TLN2: variants seen among roughly 807,000 people sequenced by gnomAD.
TLN2 encodes the protein talin 2.
In TLN2, 118 loss-of-function variants were observed where a neutral mutation model predicts 294.7. The observed-to-expected ratio is 0.40, with a 90% CI of 0.34 to 0.47. The LOEUF (loss-of-function observed/expected upper bound fraction) is 0.47, where lower values mean the gene tolerates loss of function less well. Ranked by LOEUF, TLN2 falls within the 20% of genes least tolerant of loss-of-function variation. TLN2 has a pLI of 0.84. For missense variants in TLN2, 3,083 were observed against 3,282.2 expected (o/e 0.94, Z 1.48); for synonymous variants, 1,431 against 1,304.5 (o/e 1.10, Z -2.09).
At chr15:62,824,275 G>A (rs1007112255) in intron 54 of TLN2, among the ~76,000 whole-genome samples, 1 of 152,096 alleles carries the variant, frequency 6.6e-6, no homozygotes, top group African/African-American at 2.4e-5. Flanking sequence ...TTTGTGCAGT[G>A]ATGAATCCTT....
At chr15:62,681,610 T>C (rs1466600741) in intron 11 of TLN2, among the ~76,000 whole-genome samples, 1 of 152,168 alleles carries the variant, frequency 6.6e-6, no homozygotes, top group African/African-American at 2.4e-5. Context: ...AATTTACACC[T>C]GTGTGAGGAA....
intron 1 of TLN2, among the ~76,000 whole-genome samples, chr15:62,397,044 T>G (rs980181803): frequency 6.6e-6 from 1 of 152,126 alleles, no homozygotes; most frequent in African/African-American, 2.4e-5. Flanking sequence ...CTCCTCAAAC[T>G]TGGTTTTCCT....
In TLN2 at chr15:62,737,096, G is replaced by A; in HGVS notation, c.3567+10G>A. On this transcript the variant is annotated intron_variant, in intron 29 of 58. Coordinates refer to ENST00000636159, the MANE Select transcript of TLN2 (RefSeq NM_015059.3). ...ACAAAGACTGGCTCAGGTGAGGCTA[G>A]GAATGAGAAATTGTGGTTGTCATGG... 1 of 1,613,862 alleles carries A rather than the reference G, an allele frequency of 6.2e-7. No homozygotes were observed. The highest frequency in any genetic ancestry group is 2.2e-5 in the East Asian group (1 of 44,872).
At chr15:62,714,189 G>GTTTTTTTTTTTTTT (rs5813163) in intron 22 of TLN2, among the ~76,000 whole-genome samples, 1 of 96,392 alleles carries the variant, frequency 1.0e-5, no homozygotes, top group Non-Finnish European at 2.0e-5. Context: ...CAATGTGCAC[G>GTTTTTTTTTTTTTT]TTTTTTTTTT....
intron 22 of TLN2, 124 bp from the exon 23 acceptor site, chr15:62,716,207 T>C (rs760238903): frequency 8.2e-5 from 97 of 1,177,130 alleles, no homozygotes; most frequent in Non-Finnish European, 9.7e-5. Context: ...CATAAAGATA[T>C]TGCTTGTGGC....
intron 48 of TLN2, among the ~76,000 whole-genome samples, chr15:62,799,975 G>C (rs759967993): frequency 6.6e-6 from 1 of 152,220 alleles, no homozygotes; most frequent in Non-Finnish European, 1.5e-5. Flanking sequence ...GGCTGTTGTG[G>C]GGCCTTGAGG....
intron 1 of TLN2, among the ~76,000 whole-genome samples, chr15:62,526,281 C>T (rs1252374492): frequency 6.6e-6 from 1 of 152,128 alleles, no homozygotes; most frequent in Non-Finnish European, 1.5e-5. Flanking sequence ...AGGCATGTGC[C>T]ACCATGCCTG....
At position 62,628,817 on chromosome 15, in the gene TLN2, T is replaced by C. The variant is rs146524124; in HGVS notation, c.-37+10342T>C. Among the ~76,000 whole-genome samples the C allele has an allele frequency of 2.5e-3, 378 of 152,372 alleles. 4 individuals carry two copies. Among genetic ancestry groups the C allele is most frequent in the Admixed American group, 0.013 (206 of 15,310 alleles). On this transcript the variant is annotated intron_variant, in intron 3 of 58. Transcript: ENST00000636159. ...TCCCTGTCCTGATATCTGCAAAGTT[T>C]TCCCAGATGATCCTGGAGACTTAAC...
chr15:62,442,513 AAAAATT>A (rs1252850142), intron 1 of TLN2, among the ~76,000 whole-genome samples: 2 of 149,272 alleles, frequency 1.3e-5, no homozygotes, highest in African/African-American at 5.1e-5. Context: ...AAAAAAAAAA[AAAAATT>A]AGAGGATGTC....
intron 1 of TLN2, among the ~76,000 whole-genome samples, chr15:62,451,184 C>CA (rs2140321270): frequency 6.6e-6 from 1 of 152,248 alleles, no homozygotes; most frequent in Admixed American, 6.5e-5. Flanking sequence ...CAGGAGGGAC[C>CA]AGGGCACACT....
chr15:62,537,424 C>T (rs1399515768), intron 1 of TLN2, among the ~76,000 whole-genome samples: 1 of 152,198 alleles, frequency 6.6e-6, no homozygotes, highest in African/African-American at 2.4e-5. Flanking sequence ...GTCTAATCTT[C>T]AGTAGTACTT....
chr15:62,542,755 A>G (rs991354785), intron 1 of TLN2, among the ~76,000 whole-genome samples: 2 of 151,942 alleles, frequency 1.3e-5, no homozygotes, highest in African/African-American at 2.4e-5. Context: ...CTGCCTTCCT[A>G]TGTATGTGGG....
chr15:62,579,415 G>A (rs2044715478), intron 1 of TLN2, among the ~76,000 whole-genome samples: 2 of 152,150 alleles, frequency 1.3e-5, no homozygotes, highest in Non-Finnish European at 2.9e-5. Flanking sequence ...CCTGATTTCC[G>A]CATTATGTAT....
intron 25 of TLN2, 50 bp from the exon 26 acceptor site, chr15:62,722,303 T>TA (rs764074522): frequency 6.4e-7 from 1 of 1,571,148 alleles, no homozygotes; most frequent in East Asian, 2.3e-5. Flanking sequence ...CTCTCCTCTC[T>TA]ACCTCTTGCT....
intron 54 of TLN2, among the ~76,000 whole-genome samples, chr15:62,825,747 TTAAATA>T (rs2068004250): frequency 9.4e-6 from 1 of 106,234 alleles, no homozygotes; most frequent in South Asian, 2.5e-4. Flanking sequence ...TTTATATATA[TTAAATA>T]TAATTATAAT....
rs112648142 is a variant in TLN2, at chr15:62,722,499, G to A, written c.3126+12G>A. ...CCGCCTCGCAGAAGGCAAGTGGAGC[G>A]TGTCATAGGGGTTAACTTGTCAGGA... On this transcript the variant is annotated intron_variant, in intron 26 of 58. Transcript: ENST00000636159. 366 of 1,605,368 alleles carry A rather than the reference G, an allele frequency of 2.3e-4. No individual in the cohort carries two copies. Among genetic ancestry groups the A allele is most frequent in the South Asian group, 1.7e-3 (151 of 90,364 alleles).
chr15:62,433,693 A>G (rs2035139231), intron 1 of TLN2, among the ~76,000 whole-genome samples: 1 of 152,076 alleles, frequency 6.6e-6, no homozygotes, highest in Non-Finnish European at 1.5e-5. Context: ...TACTAATCTT[A>G]TCATACCTGC....
chr15:62,770,549 T>G (rs1276557202), intron 41 of TLN2, among the ~76,000 whole-genome samples: 1 of 152,230 alleles, frequency 6.6e-6, no homozygotes, highest in Non-Finnish European at 1.5e-5. Flanking sequence ...CTACAAAGCT[T>G]TTGAAGGTTT....
chr15:62,804,285 G>A (rs1480853484), intron 50 of TLN2, among the ~76,000 whole-genome samples: 1 of 152,162 alleles, frequency 6.6e-6, no homozygotes, highest in African/African-American at 2.4e-5. Flanking sequence ...GTTATTCTGA[G>A]TATACCAGTG....
Sources: allele counts gnomAD v4.1 joint callset (sites outside exome capture counted in the v4.1 genomes callset), GRCh38; gene constraint gnomAD v4.1.1; transcripts MANE v1.5; gene names NCBI Gene and HGNC (gene_info 2026-07-23, HGNC 2026-07-21).